The following KIF24 variants were observed in gnomAD, a reference collection of about 807,000 sequenced individuals.
KIF24 encodes the protein kinesin family member 24.
In KIF24, 81 loss-of-function variants were observed where a neutral mutation model predicts 118.9. The observed-to-expected ratio is 0.68, with a 90% CI of 0.57 to 0.82. KIF24 has a LOEUF of 0.82. Among genes scored for constraint, KIF24 ranks in the 40% least tolerant of loss-of-function variants. KIF24 has a pLI of 0.00. For synonymous variants in KIF24, 599 were observed against 610.0 expected, an observed-to-expected ratio of 0.98 and a Z score of 0.27; for missense variants, 1,560 against 1,661.6, an observed-to-expected ratio of 0.94 and a Z score of 1.06.
chr9:34,283,486 G>C (rs937616448), intron 6 of KIF24, among the ~76,000 whole-genome samples: 1 of 151,912 alleles, frequency 6.6e-6, no homozygotes, highest in Non-Finnish European at 1.5e-5. Flanking sequence ...TGAATGTTAC[G>C]GTATATGAAC....
At chr9:34,270,288 G>A (rs1035352398) in intron 7 of KIF24, among the ~76,000 whole-genome samples, 4 of 151,676 alleles carry the variant, frequency 2.6e-5, no homozygotes, top group Admixed American at 1.3e-4. Context: ...AGGCTGAGGC[G>A]GGCGGATCAT....
intron 1 of KIF24, chr9:34,319,438 A>C (rs942760005): frequency 9.1e-7 from 1 of 1,103,408 alleles, no homozygotes; most frequent in African/African-American, 1.5e-5. Context: ...AAGGACCTGT[A>C]CCTGACCAGC....
chr9:34,313,800 T>C (rs1837250491), intron 1 of KIF24, among the ~76,000 whole-genome samples: 1 of 147,096 alleles, frequency 6.8e-6, no homozygotes, highest in African/African-American at 2.5e-5. Context: ...CAGGCTGGAG[T>C]GCAGTGGTGT....
rs745387505 is a variant in KIF24, at chr9:34,269,285, C to T, written c.1415G>A (p.Gly472Asp). 3 of 1,610,160 alleles carry T rather than the reference C, an allele frequency of 1.9e-6. No homozygotes were observed. Among genetic ancestry groups the T allele is most frequent in the South Asian group, 1.1e-5 (1 of 90,842 alleles). Reference protein sequence around the residue: ...RDSDRQTKMEGAEINQSLLAL... With the variant: ...RDSDRQTKMEDAEINQSLLAL... ...CAGTAGACTCTGATTTATTTCTGCA[C>T]CTTCCATCTTTGTCTGTCTATCTGA... The change falls in exon 8 of 13, where the codon GGT (glycine) becomes GAT (aspartate). Residue 472 changes from glycine (G) to aspartate (D), a missense_variant. By Grantham distance (94) the Gly-to-Asp change is moderately conservative. This residue lies in a region of KIF24 where 964 missense variants were observed against 988.0 expected (regional missense o/e 0.98). Transcript: ENST00000402558.
Position 34,318,373 on chromosome 9 carries a change from C to T in KIF24, c.-25-7002G>A. On this transcript the variant is annotated intron_variant, in intron 1 of 12. Transcript: ENST00000402558. The surrounding 1 kb of genome is among the most constrained non-coding windows in gnomAD (Gnocchi z 4.9). ...CAGCTTGACCTAGCCCTGACAGGTC[C>T]ATCGTGGTGCACGCAAACCACCTCC... 1 of 680,908 alleles carries T rather than the reference C, an allele frequency of 1.5e-6. No homozygotes were observed. The highest frequency in any genetic ancestry group is 2.0e-5 in the Admixed American group (1 of 49,038). 42.2% of individuals were successfully genotyped at this position (680,908 alleles called of 1,614,324 possible). A position where few individuals can be genotyped will look rare whatever the true frequency, so the allele number is the denominator to read the frequency against.
At chr9:34,264,190 G>T (rs1835198477) in intron 8 of KIF24, among the ~76,000 whole-genome samples, 1 of 152,040 alleles carries the variant, frequency 6.6e-6, no homozygotes, top group Admixed American at 6.6e-5. Flanking sequence ...GGGAGGCTGA[G>T]GCGGGCAGAT....
chr9:34,275,452 CAG>C (rs1458227383), intron 6 of KIF24, among the ~76,000 whole-genome samples: 6 of 152,128 alleles, frequency 3.9e-5, no homozygotes, highest in African/African-American at 1.4e-4. Context: ...CCTGTAATCC[CAG>C]AACTTTGGGA....
rs765563188 is a variant in KIF24 at position 34,311,231 on chromosome 9, T to C, written c.116A>G (p.Asp39Gly). 4 of 1,612,732 alleles carry C rather than the reference T, an allele frequency of 2.5e-6. No individual in the cohort carries two copies. In the African/African-American group the frequency reaches 5.3e-5, roughly 22 times the overall value. ...GTCATGGACTCCTAATTTGGAGTAGTCCTTCATTGTAATCTTGGCTAATTC... is the reference window on the plus strand; with the variant it reads ...GTCATGGACTCCTAATTTGGAGTAGCCCTTCATTGTAATCTTGGCTAATTC... Reference protein sequence around the residue: ...IDELAKITMKDYSKLGVHDMN... With the variant: ...IDELAKITMKGYSKLGVHDMN... The change falls in exon 2 of 13, where the codon GAC becomes GGC. Residue 39 changes from aspartate to glycine, a missense_variant. By Grantham distance (94) the Asp-to-Gly change is moderately conservative. This residue lies in a region of KIF24 where 964 missense variants were observed against 988.0 expected (regional missense o/e 0.98). Transcript: ENST00000402558.
rs1219719525 is a variant in KIF24 at position 34,256,801 on chromosome 9, C to T, written c.2806G>A (p.Ala936Thr). 6.2e-7 allele frequency: 1 copy of T among 1,614,026 alleles called. No homozygotes were observed. Among genetic ancestry groups the T allele is most frequent in the Admixed American group, 1.7e-5 (1 of 60,030 alleles). ...ACCTGTGAACAGTATGGCTTCTCTG[C>T]CAGGCTGTCTCTGGGAGAAGGCCCT... is the stretch of plus-strand genomic sequence containing the variant. Reference protein sequence around the residue: ...SSGPSPRDSLAEKPYCSQVDF... With the variant: ...SSGPSPRDSLTEKPYCSQVDF... The change falls in exon 11 of 13, where the codon GCA (alanine) becomes ACA (threonine). Residue 936 changes from alanine (A) to threonine (T), a missense_variant. Coordinates refer to ENST00000402558, the MANE Select transcript of KIF24 (RefSeq NM_194313.4).
chr9:34,256,505 A>G lies in KIF24; in HGVS notation c.3102T>C (p.Pro1034=). Residue 1034 remains proline, a synonymous_variant, in exon 11 of 13, where the codon CCT becomes CCC. Transcript: ENST00000402558. ...CAGCATGCGTGCCTAACTGCCCCCT[A>G]GGATCCTCTCCTGGGACAGCATGAC... ...KNGHAVPGED[P]RGQLGTHAEY... 1 of 1,613,580 alleles carries G rather than the reference A, an allele frequency of 6.2e-7. No individual in the cohort carries two copies. The highest frequency in any genetic ancestry group is 8.5e-7 in the Non-Finnish European group (1 of 1,179,690).
rs1023056049 is a variant in KIF24 at position 34,252,786 on chromosome 9, G to A, written c.*1594C>T. 1.3e-5 allele frequency: 2 copies of A among 152,024 alleles called. No individual in the cohort carries two copies. The highest frequency in any genetic ancestry group is 2.9e-5 in the Non-Finnish European group (2 of 68,034). 9.4% of individuals were successfully genotyped at this position (152,024 alleles called of 1,614,324 possible). A position where few individuals can be genotyped will look rare whatever the true frequency, so the allele number is the denominator to read the frequency against. The stretch of plus-strand genomic sequence containing the variant: ...CCTTCCTGACTGTGGAGTTGGGATA[G>A]GCTGGGCCTTCAGGGGGATCACCCA... On this transcript the variant is annotated 3_prime_UTR_variant, in exon 13 of 13. Transcript: ENST00000402558.
At chr9:34,300,348 A>C (rs1267612901) in intron 3 of KIF24, among the ~76,000 whole-genome samples, 2 of 152,100 alleles carry the variant, frequency 1.3e-5, no homozygotes, top group Non-Finnish European at 2.9e-5. Context: ...AATAATAGTT[A>C]AACATATTTT....
intron 1 of KIF24, chr9:34,319,550 C>T (rs1401947696): frequency 3.1e-5 from 35 of 1,139,936 alleles, no homozygotes; most frequent in African/African-American, 4.6e-5. Flanking sequence ...TGTTCTACTC[C>T]GACCACCCCT....
intron 1 of KIF24, among the ~76,000 whole-genome samples, chr9:34,322,026 T>C (rs1469280326): frequency 1.3e-5 from 2 of 152,234 alleles, no homozygotes; most frequent in Non-Finnish European, 2.9e-5. Flanking sequence ...ATTATCTTCA[T>C]ATTTTGCAGT....
At chr9:34,313,947 G>A (rs930089082) in intron 1 of KIF24, among the ~76,000 whole-genome samples, 1 of 148,884 alleles carries the variant, frequency 6.7e-6, no homozygotes, top group Non-Finnish European at 1.5e-5. Context: ...TAGAGAAAGG[G>A]TCTCCCTGTG....
intron 7 of KIF24, among the ~76,000 whole-genome samples, chr9:34,271,338 AAAAAAG>A (rs765735256): frequency 0.18 from 25,351 of 144,262 alleles, 1,789 homozygotes; most frequent in East Asian, 0.37. Context: ...AAAAAAAAAA[AAAAAAG>A]AAAAAGAAAA....
At chr9:34,254,623 G>T in intron 12 of KIF24, 103 bp from the exon 13 acceptor site, 1 of 1,212,958 alleles carries the variant, frequency 8.2e-7, no homozygotes, top group Non-Finnish European at 1.2e-6. Context: ...CAGAACCCAG[G>T]CCACTCTTCC....
Position 34,252,781 on chromosome 9 carries a change from G to A in KIF24, c.*1599C>T, listed in dbSNP as rs903738994. On this transcript the variant is annotated 3_prime_UTR_variant, in exon 13 of 13. Coordinates refer to ENST00000402558, the MANE Select transcript of KIF24 (RefSeq NM_194313.4). The stretch of plus-strand genomic sequence containing the variant: ...GTAGGCCTTCCTGACTGTGGAGTTG[G>A]GATAGGCTGGGCCTTCAGGGGGATC... 10 of 152,174 alleles carry A rather than the reference G, an allele frequency of 6.6e-5. No individual in the cohort carries two copies. The highest frequency in any genetic ancestry group is 2.4e-4 in the African/African-American group (10 of 41,430). The allele number at this position is 152,174 out of a possible 1,614,324, so 9.4% of individuals were successfully genotyped here.
In KIF24 at chr9:34,311,135, A is replaced by C; in HGVS notation, c.212T>G (p.Val71Gly). Reference sequence around the variant, plus strand: ...CTGAAGATGACGCTCTGGGATACTGACTGCTTTATCTTCTTCTTGCATAAT... The same window carrying C: ...CTGAAGATGACGCTCTGGGATACTGCCTGCTTTATCTTCTTCTTGCATAAT... ...IKIMQEEDKA[V>G]SIPERHLQTS... The change falls in exon 2 of 13, where the codon GTC (valine) becomes GGC (glycine). Residue 71 changes from valine to glycine, a missense_variant. Coordinates refer to ENST00000402558, the MANE Select transcript of KIF24 (RefSeq NM_194313.4). 1.2e-6 allele frequency: 2 copies of C among 1,613,700 alleles called. No homozygotes were observed. Among genetic ancestry groups the C allele is most frequent in the Non-Finnish European group, 1.7e-6 (2 of 1,179,678 alleles).
Sources: gnomAD v4.1 joint callset for allele counts (sites outside exome capture counted in the v4.1 genomes callset) on GRCh38, gnomAD v4.1.1 for gene constraint, gnomAD v4.1.1 regional missense constraint, Gnocchi (gnomAD v3.1) non-coding constraint, MANE v1.5 for transcripts, NCBI Gene and HGNC (gene_info 2026-07-23, HGNC 2026-07-21) for gene names.